The following KCNQ5 variants were observed in gnomAD, a reference collection of about 807,000 sequenced individuals.
KCNQ5 encodes the protein potassium voltage-gated channel subfamily KQT member 5.
Under a neutral mutation model 98.2 loss-of-function variants are expected in KCNQ5, and 30 were observed. That is an observed-to-expected ratio of 0.31 (90% CI 0.23 to 0.41). The LOEUF (loss-of-function observed/expected upper bound fraction) is 0.41, where lower values mean the gene tolerates loss of function less well. Ranked by LOEUF, KCNQ5 falls within the 10% of genes least tolerant of loss-of-function variation. KCNQ5 has a pLI of 1.00. For missense variants in KCNQ5, 835 were observed against 1,182.5 expected (o/e 0.71, Z 4.31); for synonymous variants, 458 against 449.4 (o/e 1.02, Z -0.24).
At chr6:72,804,541 G>A (rs6453606) in intron 1 of KCNQ5, among the ~76,000 whole-genome samples, 103,613 of 151,900 alleles carry the variant, frequency 0.68, 36,635 homozygotes, top group African/African-American at 0.89. Context: ...TCTATAGTGT[G>A]CCATGTTCTA....
chr6:72,956,083 C>T (rs1049476009), intron 1 of KCNQ5, among the ~76,000 whole-genome samples: 3 of 152,186 alleles, frequency 2.0e-5, no homozygotes, highest in African/African-American at 4.8e-5. Context: ...GGGAATGAAA[C>T]TAATAAATTC....
chr6:72,660,551 A>G (rs1255713280), intron 1 of KCNQ5, among the ~76,000 whole-genome samples: 3 of 152,224 alleles, frequency 2.0e-5, no homozygotes, highest in Non-Finnish European at 4.4e-5. Flanking sequence ...TTAGCAGTAC[A>G]CTGAGTAAAT....
chr6:72,984,891 G>T (rs967234852), intron 1 of KCNQ5, among the ~76,000 whole-genome samples: 2 of 152,062 alleles, frequency 1.3e-5, no homozygotes. Context: ...CAAGAAATTC[G>T]AAGCCCTGGA....
chr6:72,994,650 G>A (rs887253742), intron 1 of KCNQ5, among the ~76,000 whole-genome samples: 8 of 151,998 alleles, frequency 5.3e-5, no homozygotes, highest in Non-Finnish European at 1.0e-4. Context: ...GCTGTAGACC[G>A]GAGCTGTTCC....
intron 5 of KCNQ5, among the ~76,000 whole-genome samples, chr6:73,091,506 A>C (rs1774246615): frequency 1.3e-5 from 2 of 152,096 alleles, no homozygotes; most frequent in Admixed American, 6.5e-5. Context: ...AAAAAAGAAA[A>C]AGAAAAAGAA....
chr6:72,671,646 A>G (rs993142198), intron 1 of KCNQ5, among the ~76,000 whole-genome samples: 2 of 152,194 alleles, frequency 1.3e-5, no homozygotes, highest in Non-Finnish European at 2.9e-5. Flanking sequence ...ATCTTTATAC[A>G]TGACAAAGTA....
chr6:73,169,168 G>A (rs1777911878), intron 10 of KCNQ5, among the ~76,000 whole-genome samples: 3 of 141,782 alleles, frequency 2.1e-5, no homozygotes, highest in East Asian at 2.1e-4. Flanking sequence ...CTTGGTTTAC[G>A]AAAAACTGAT....
chr6:73,036,186 A>T (rs1468838646), intron 2 of KCNQ5, among the ~76,000 whole-genome samples: 2 of 151,924 alleles, frequency 1.3e-5, no homozygotes, highest in Non-Finnish European at 2.9e-5. Context: ...GGAGATCAAG[A>T]CCATCCTGGC....
chr6:72,720,343 T>C (rs34463898), intron 1 of KCNQ5, among the ~76,000 whole-genome samples: 2,231 of 152,324 alleles, frequency 0.015, 29 homozygotes, highest in Middle Eastern at 0.024. Flanking sequence ...AGGAAATGAC[T>C]TCTCTATGAA....
chr6:72,773,591 T>TA (rs1316881454), intron 1 of KCNQ5, among the ~76,000 whole-genome samples: 1 of 152,150 alleles, frequency 6.6e-6, no homozygotes, highest in African/African-American at 2.4e-5. Flanking sequence ...TCCCAGAACT[T>TA]AAAGCACAAT....
At chr6:72,887,360 T>C (rs1443490082) in intron 1 of KCNQ5, among the ~76,000 whole-genome samples, 1 of 152,046 alleles carries the variant, frequency 6.6e-6, no homozygotes, top group East Asian at 1.9e-4. Flanking sequence ...ATGAGACTTA[T>C]TCACCATCAC....
chr6:72,622,240 G>C lies in KCNQ5; in HGVS notation c.51G>C (p.Trp17Cys), dbSNP rs1265096046. ...GGEEGGAAGL[W>C]VKSGAAAAAA... ...AGGAGGGCGGCGCCGCCGGGCTCTG[G>C]GTGAAGAGCGGCGCAGCGGCGGCGG... is the stretch of plus-strand genomic sequence containing the variant. Residue 17 changes from tryptophan to cysteine, a missense_variant, in exon 1 of 14, where the codon TGG (tryptophan) becomes TGC (cysteine). Transcript: ENST00000370398. This position sits in a 1 kb window ranked among gnomAD's most constrained non-coding sequence, Gnocchi z 6.0. 1.8e-5 allele frequency: 23 copies of C among 1,251,202 alleles called. No homozygotes were observed. Among genetic ancestry groups the C allele is most frequent in the Non-Finnish European group, 2.2e-5 (22 of 1,001,104 alleles). 77.5% of individuals were successfully genotyped at this position (1,251,202 alleles called of 1,614,324 possible).
At chr6:73,191,221 C>A (rs1167454227) in intron 12 of KCNQ5, among the ~76,000 whole-genome samples, 1 of 152,088 alleles carries the variant, frequency 6.6e-6, no homozygotes, top group Non-Finnish European at 1.5e-5. Flanking sequence ...GAGTCTACTG[C>A]AGAGCACAAG....
chr6:73,087,672 G>A (rs1008926990), intron 5 of KCNQ5, among the ~76,000 whole-genome samples: 1 of 152,060 alleles, frequency 6.6e-6, no homozygotes, highest in Non-Finnish European at 1.5e-5. Flanking sequence ...AAAAGACTTA[G>A]AACAAAACCT....
At chr6:72,768,537 C>T (rs1345532765) in intron 1 of KCNQ5, among the ~76,000 whole-genome samples, 2 of 152,018 alleles carry the variant, frequency 1.3e-5, no homozygotes, top group Non-Finnish European at 2.9e-5. Context: ...ATTGATGGTA[C>T]AAATGGGAGA....
chr6:73,087,769 G>T (rs1774051033), intron 5 of KCNQ5, among the ~76,000 whole-genome samples: 4 of 152,178 alleles, frequency 2.6e-5, no homozygotes, highest in Admixed American at 2.6e-4. Context: ...AACCATGGAA[G>T]TGAAGAGAAG....
At chr6:72,988,551 G>A (rs1432306978) in intron 1 of KCNQ5, among the ~76,000 whole-genome samples, 1 of 151,920 alleles carries the variant, frequency 6.6e-6, no homozygotes, top group South Asian at 2.1e-4. Flanking sequence ...TACCTACTGG[G>A]TACTGTGATG....
intron 1 of KCNQ5, among the ~76,000 whole-genome samples, chr6:72,700,221 G>T (rs373103742): frequency 6.6e-6 from 1 of 152,060 alleles, no homozygotes; most frequent in Non-Finnish European, 1.5e-5. Flanking sequence ...ATACAAATTC[G>T]GTTCTGTTTG....
intron 1 of KCNQ5, among the ~76,000 whole-genome samples, chr6:72,723,361 A>C (rs1317196921): frequency 1.3e-5 from 2 of 152,190 alleles, no homozygotes; most frequent in African/African-American, 4.8e-5. Context: ...TATTAACGGT[A>C]ATTGGTATCT....
Sources: gnomAD v4.1 joint callset for allele counts (sites outside exome capture counted in the v4.1 genomes callset) on GRCh38, gnomAD v4.1.1 for gene constraint, Gnocchi (gnomAD v3.1) non-coding constraint, MANE v1.5 for transcripts, NCBI Gene and HGNC (gene_info 2026-07-23, HGNC 2026-07-21) for gene names.